SSX1: variants seen among roughly 807,000 people sequenced by gnomAD.
The protein encoded by SSX1 is SSX family member 1, also known as protein SSX1.
In SSX1, 58 loss-of-function variants were observed where a neutral mutation model predicts 14.6. The observed-to-expected ratio is 3.96, with a 90% CI of 3.21 to 4.93. The LOEUF is 4.93. Among genes scored for constraint, SSX1 ranks in the 30% most tolerant of loss-of-function variants. SSX1 has a pLI of 0.00. For synonymous variants in SSX1, 46 were observed against 52.1 expected, an observed-to-expected ratio of 0.88 and a Z score of 0.50; for missense variants, 272 against 143.1, an observed-to-expected ratio of 1.90 and a Z score of -4.60.
At chrX:48,262,899 G>T (rs1289426975) in intron 5 of SSX1, among the ~76,000 whole-genome samples, 26 of 110,738 alleles carry the variant, frequency 2.3e-4, no homozygotes, top group Non-Finnish European at 7.6e-5. Flanking sequence ...AATTTAGGAG[G>T]TTGAGGCGGG....
At chrX:48,261,903 G>A (rs2059605375) in intron 5 of SSX1, 88 bp downstream of exon 5, 11 of 1,029,218 alleles carry the variant, frequency 1.1e-5, no homozygotes, top group Non-Finnish European at 1.3e-5. Context: ...TATCAAAAAC[G>A]CCCTCATTGC....
chrX:48,267,303 T>G lies in SSX1; in HGVS notation c.*454T>G. 1 of 167,688 alleles carries G rather than the reference T, an allele frequency of 6.0e-6. No individual in the cohort carries two copies. The allele number at this position is 167,688 out of a possible 1,213,427, so 13.8% of individuals were successfully genotyped here. A position where few individuals can be genotyped will look rare whatever the true frequency, so the allele number is the denominator to read the frequency against. On this transcript the variant is annotated 3_prime_UTR_variant, in exon 8 of 8. Coordinates refer to ENST00000376919, the MANE Select transcript of SSX1 (RefSeq NM_005635.4). ...CGCACACACACACACCAAGTACCAG[T>G]ATAAGCATCTCCCATCTGCTTTTCC...
At position 48,261,756 on chromosome X, in the gene SSX1, T is replaced by C. The variant is rs374281371; in HGVS notation, c.281-10T>C. 2.5e-4 allele frequency: 304 copies of C among 1,209,266 alleles called. No individual in the cohort carries two copies. Among genetic ancestry groups the C allele is most frequent in the Non-Finnish European group, 3.2e-4 (282 of 894,486 alleles). On this transcript the variant is annotated splice_polypyrimidine_tract_variant and intron_variant, in intron 4 of 7. Coordinates refer to ENST00000376919, the MANE Select transcript of SSX1 (RefSeq NM_005635.4). ...CCAACAAAGAAAAATTCTGATGTGTTCTCTTTCAGTTGAACATCCTCAGAT... is the reference window on the plus strand; with the variant it reads ...CCAACAAAGAAAAATTCTGATGTGTCCTCTTTCAGTTGAACATCCTCAGAT...
intron 4 of SSX1, among the ~76,000 whole-genome samples, chrX:48,259,901 A>G (rs782784660): frequency 3.8e-5 from 4 of 103,978 alleles, no homozygotes; most frequent in East Asian, 3.0e-4. Context: ...GAATAGTGCC[A>G]CAATAAACAT....
chrX:48,262,490 G>A (rs1313854393), intron 5 of SSX1, among the ~76,000 whole-genome samples: 7 of 111,789 alleles, frequency 6.3e-5, no homozygotes, highest in East Asian at 2.8e-4. Context: ...CTCTGTTACC[G>A]GGGCCACTCC....
In SSX1 at chrX:48,257,147, C is replaced by T. The variant is rs1219108697; in HGVS notation, c.-20-75C>T. ...CTAATTCCAGGTGACTGAGTGTGGCCGGGCTTCACTGATTTCTCCCTCCAT... is the reference window on the plus strand; with the variant it reads ...CTAATTCCAGGTGACTGAGTGTGGCTGGGCTTCACTGATTTCTCCCTCCAT... On this transcript the variant is annotated intron_variant, in intron 1 of 7. Coordinates refer to ENST00000376919, the MANE Select transcript of SSX1 (RefSeq NM_005635.4). 8 of 965,464 alleles carry T rather than the reference C, an allele frequency of 8.3e-6. No individual in the cohort carries two copies. In the East Asian group the frequency reaches 9.3e-5, roughly 11 times the overall value. The allele number at this position is 965,464 out of a possible 1,213,427, so 79.6% of individuals were successfully genotyped here.
At chrX:48,263,275 T>C (rs1421828725) in intron 5 of SSX1, among the ~76,000 whole-genome samples, 2 of 111,368 alleles carry the variant, frequency 1.8e-5, no homozygotes, top group African/African-American at 3.3e-5. Context: ...TACTGCTTTC[T>C]TTGCTGCCTA....
intron 6 of SSX1, among the ~76,000 whole-genome samples, chrX:48,265,752 C>T (rs1413476675): frequency 1.8e-5 from 2 of 111,569 alleles, no homozygotes; most frequent in African/African-American, 6.5e-5. Context: ...AAATATCTCA[C>T]GTACCCTATA....
chrX:48,264,101 T>TA (rs1302049598), intron 6 of SSX1, among the ~76,000 whole-genome samples, 184 bp downstream of exon 6: 2 of 111,957 alleles, frequency 1.8e-5, no homozygotes, highest in South Asian at 3.7e-4. Context: ...GTCATCCATA[T>TA]AAAAAACCAC....
intron 5 of SSX1, among the ~76,000 whole-genome samples, chrX:48,262,858 G>A (rs1319185003): frequency 3.6e-5 from 4 of 111,376 alleles, no homozygotes; most frequent in Non-Finnish European, 5.7e-5. Flanking sequence ...CTTAAGGGCC[G>A]GGCGCGGGGG....
chrX:48,262,046 T>G (rs1283054009), intron 5 of SSX1, among the ~76,000 whole-genome samples: 2 of 112,020 alleles, frequency 1.8e-5, no homozygotes, highest in African/African-American at 6.5e-5. Context: ...TCACATGGAT[T>G]AATTAATTTA....
chrX:48,257,593 G>A (rs1394151002), intron 2 of SSX1, 153 bp from the exon 3 acceptor site: 1 of 749,985 alleles, frequency 1.3e-6, no homozygotes, highest in Non-Finnish European at 1.6e-6. Context: ...GAGAAGCTAG[G>A]GTAGGTCCCC....
chrX:48,263,706 G>A (rs1556935902), intron 5 of SSX1, 76 bp from the exon 6 acceptor site: 2 of 1,169,097 alleles, frequency 1.7e-6, no homozygotes, highest in Non-Finnish European at 2.3e-6. Context: ...TAATGCATGT[G>A]AAGACGCTTT....
In SSX1 at chrX:48,255,411, C is replaced by T. The variant is rs371839061; in HGVS notation, c.-42C>T. The T allele has an allele frequency of 9.0e-6, 1 of 111,069 alleles. No individual in the cohort carries two copies. Among genetic ancestry groups the T allele is most frequent in the East Asian group, 2.8e-4 (1 of 3,522 alleles). 9.2% of individuals were successfully genotyped at this position (111,069 alleles called of 1,213,427 possible). ...CTCGCCACCACTGCTGCCGACCTCG[C>T]AACCACTGCTTTGTCTCTGAAGTAG... On this transcript the variant is annotated 5_prime_UTR_variant, in exon 1 of 8. Transcript: ENST00000376919.
rs1362728007 is a variant in SSX1 at position 48,267,113 on chromosome X, G to C, written c.*264G>C. Reference sequence around the variant, plus strand: ...GCAAGACATACTGAATGCATATTTCGGTTTGTGTATCCATGCACCTACGTC... The same window carrying C: ...GCAAGACATACTGAATGCATATTTCCGTTTGTGTATCCATGCACCTACGTC... On this transcript the variant is annotated 3_prime_UTR_variant, in exon 8 of 8. Transcript: ENST00000376919. 2 of 402,552 alleles carry C rather than the reference G, an allele frequency of 5.0e-6. No individual in the cohort carries two copies. The highest frequency in any genetic ancestry group is 2.5e-5 in the African/African-American group (1 of 40,057). 33.2% of individuals were successfully genotyped at this position (402,552 alleles called of 1,213,427 possible).
At chrX:48,262,765 C>A (rs1181777902) in intron 5 of SSX1, among the ~76,000 whole-genome samples, 2 of 111,955 alleles carry the variant, frequency 1.8e-5, no homozygotes, top group Non-Finnish European at 3.8e-5. Context: ...ACAATGTTTA[C>A]AAGCTCAGAG....
At chrX:48,258,745 G>GA (rs1160253068) in intron 4 of SSX1, 114 bp downstream of exon 4, 2,114 of 494,532 alleles carry the variant, frequency 4.3e-3, no homozygotes, top group Non-Finnish European at 4.9e-3. Context: ...AGGGTTGAGT[G>GA]AAAAAAAAAA....
chrX:48,263,631 C>A, intron 5 of SSX1, 151 bp from the exon 6 acceptor site: 6 of 782,126 alleles, frequency 7.7e-6, no homozygotes, highest in African/African-American at 2.1e-5. Context: ...TGCTTCTAAT[C>A]TCCCAGGTTT....
intron 7 of SSX1, 94 bp downstream of exon 7, chrX:48,266,485 A>T: frequency 8.4e-7 from 1 of 1,185,125 alleles, no homozygotes; most frequent in Admixed American, 2.2e-5. Flanking sequence ...TTCCCAAATC[A>T]TTCCTTTCTC....
Sources: allele counts gnomAD v4.1 joint callset (sites outside exome capture counted in the v4.1 genomes callset), GRCh38; gene constraint gnomAD v4.1.1; transcripts MANE v1.5; gene names NCBI Gene and HGNC (gene_info 2026-07-23, HGNC 2026-07-21).